Variants in RBFOX1 observed in about 807,000 individuals in gnomAD.
RBFOX1 encodes the protein RNA binding protein fox-1 homolog 1.
In RBFOX1, 8 loss-of-function variants were observed where a neutral mutation model predicts 57.7. The ratio of observed to expected loss-of-function variants is 0.14; its 90% confidence interval spans 0.08 to 0.25. The LOEUF (loss-of-function observed/expected upper bound fraction) is 0.25, where lower values mean the gene tolerates loss of function less well. Among genes scored for constraint, RBFOX1 ranks in the 10% least tolerant of loss-of-function variants. The pLI is 1.00. For synonymous variants in RBFOX1, 326 were observed against 222.4 expected, an observed-to-expected ratio of 1.47 and a Z score of -4.15; for missense variants, 611 against 548.5, an observed-to-expected ratio of 1.11 and a Z score of -1.14.
At chr16:5,491,240 G>T (rs758763115) in intron 2 of RBFOX1, among the ~76,000 whole-genome samples, 2 of 152,130 alleles carry the variant, frequency 1.3e-5, no homozygotes, top group Non-Finnish European at 2.9e-5. Flanking sequence ...CATCTAGGAC[G>T]CCAGCACCCA....
At chr16:5,922,482 T>A (rs760279653) in intron 4 of RBFOX1, among the ~76,000 whole-genome samples, 1 of 152,072 alleles carries the variant, frequency 6.6e-6, no homozygotes, top group Non-Finnish European at 1.5e-5. Flanking sequence ...ACACTGGAAG[T>A]TCCTGCCCAG....
chr16:5,685,607 G>C (rs1489528934), intron 3 of RBFOX1, among the ~76,000 whole-genome samples: 1 of 152,296 alleles, frequency 6.6e-6, no homozygotes, highest in Non-Finnish European at 1.5e-5. Flanking sequence ...AACTTTGTAG[G>C]TTCTTTCATA....
chr16:6,997,435 T>G (rs2092359717), intron 3 of RBFOX1, among the ~76,000 whole-genome samples: 2 of 152,182 alleles, frequency 1.3e-5, no homozygotes, highest in Non-Finnish European at 2.9e-5. Context: ...CAGAGTTCAT[T>G]TATATCCACG....
intron 4 of RBFOX1, among the ~76,000 whole-genome samples, chr16:7,183,319 G>C (rs976561051): frequency 6.6e-6 from 1 of 152,170 alleles, no homozygotes; most frequent in African/African-American, 2.4e-5. Context: ...AGAGGGTAGT[G>C]AGGGTAGGGG....
chr16:5,601,961 G>C (rs1296097152), downstream of RBFOX1, among the ~76,000 whole-genome samples: 2 of 152,200 alleles, frequency 1.3e-5, no homozygotes, highest in Admixed American at 6.5e-5. Flanking sequence ...TCTAGTGGAA[G>C]GGATGATGGT....
At chr16:5,842,526 G>A (rs1030651380) in intron 3 of RBFOX1, among the ~76,000 whole-genome samples, 1 of 152,124 alleles carries the variant, frequency 6.6e-6, no homozygotes, top group Admixed American at 6.5e-5. Context: ...TGCTGCAGGT[G>A]TTCATTCATG....
At chr16:5,710,646 G>C (rs1008448229) in intron 3 of RBFOX1, among the ~76,000 whole-genome samples, 1 of 152,162 alleles carries the variant, frequency 6.6e-6, no homozygotes, top group African/African-American at 2.4e-5. Flanking sequence ...TTAAAGAATT[G>C]CGTGCAGTGG....
At chr16:7,395,536 G>C (rs2098125825) in intron 4 of RBFOX1, among the ~76,000 whole-genome samples, 1 of 152,198 alleles carries the variant, frequency 6.6e-6, no homozygotes, top group African/African-American at 2.4e-5. Flanking sequence ...GAGTTACAAA[G>C]AAGCAGAGCT....
intron 4 of RBFOX1, among the ~76,000 whole-genome samples, chr16:7,120,846 C>CACACACACACAT (rs2067005675): frequency 6.7e-6 from 1 of 150,046 alleles, no homozygotes; most frequent in African/African-American, 2.4e-5. Flanking sequence ...CACACACACA[C>CACACACACACAT]ACACACACAC....
At chr16:5,728,246 A>G (rs1457751667) in intron 3 of RBFOX1, among the ~76,000 whole-genome samples, 1 of 152,256 alleles carries the variant, frequency 6.6e-6, no homozygotes, top group Non-Finnish European at 1.5e-5. Flanking sequence ...AATGCGGTGT[A>G]GATACACACA....
At chr16:7,088,025 A>G (rs1049225348) in intron 4 of RBFOX1, among the ~76,000 whole-genome samples, 3 of 152,210 alleles carry the variant, frequency 2.0e-5, no homozygotes, top group Non-Finnish European at 2.9e-5. Context: ...TTGCACTGGT[A>G]TAGTACATGT....
chr16:6,720,214 G>A (rs370748373), intron 3 of RBFOX1, among the ~76,000 whole-genome samples: 1 of 152,024 alleles, frequency 6.6e-6, no homozygotes, highest in South Asian at 2.1e-4. Context: ...TTATCACCTT[G>A]GATACTTAAT....
chr16:5,576,004 T>G (rs1596323682), intron 2 of RBFOX1, among the ~76,000 whole-genome samples: 1 of 152,118 alleles, frequency 6.6e-6, no homozygotes, highest in East Asian at 1.9e-4. Context: ...TTTCTTTTTT[T>G]GGGACAGAGT....
chr16:6,187,091 C>T (rs528856965), intron 1 of RBFOX1, among the ~76,000 whole-genome samples: 4 of 152,212 alleles, frequency 2.6e-5, no homozygotes, highest in South Asian at 4.1e-4. Flanking sequence ...AGAGGGGATG[C>T]AACACTATAT....
chr16:5,928,789 C>G (rs113250245), intron 4 of RBFOX1, among the ~76,000 whole-genome samples: 184 of 151,754 alleles, frequency 1.2e-3, no homozygotes, highest in African/African-American at 4.2e-3. Flanking sequence ...CCACAGTTGT[C>G]TGACCAGTTC....
In RBFOX1 at chr16:6,900,985, A is replaced by C. The variant is rs566089350; in HGVS notation, c.-15-151072A>C. Among the ~76,000 whole-genome samples the C allele has an allele frequency of 2.6e-5, 4 of 152,322 alleles. No individual in the cohort carries two copies. The East Asian group carries it at 5.8e-4, about 22-fold the overall frequency. The stretch of plus-strand genomic sequence containing the variant: ...CATTTAAGATGTTCCCATAACGTTC[A>C]TTAGAACTAGAAAGACTTCCTGATA... On this transcript the variant is annotated intron_variant, in intron 3 of 15. Coordinates refer to ENST00000550418, the MANE Select transcript of RBFOX1 (RefSeq NM_018723.4).
chr16:6,763,846 C>T (rs1478334245), intron 3 of RBFOX1, among the ~76,000 whole-genome samples: 2 of 152,190 alleles, frequency 1.3e-5, no homozygotes, highest in Non-Finnish European at 2.9e-5. Flanking sequence ...TGAAGATCTT[C>T]TGTAATTCCT....
chr16:6,717,806 G>A lies in RBFOX1; in HGVS notation c.-16+63156G>A, dbSNP rs371171735. ...AACATGGACCCAGCAGAAAATATTG[G>A]GTACTTCAGGCATTCTTGTTATTTA... On this transcript the variant is annotated intron_variant, in intron 3 of 15. Transcript: ENST00000550418. 8.5e-5 allele frequency among the ~76,000 whole-genome samples: 13 copies of A among 152,190 alleles called. No homozygotes were observed. In the South Asian group the frequency reaches 2.3e-3, roughly 27 times the overall value.
intron 1 of RBFOX1, among the ~76,000 whole-genome samples, chr16:6,256,449 T>TTGGAGCCCTGTCC (rs2097667978): frequency 6.6e-6 from 1 of 151,224 alleles, no homozygotes; most frequent in African/African-American, 2.4e-5. Context: ...GAGTTCATCC[T>TTGGAGCCCTGTCC]TGGAGCCCTG....
Sources: gnomAD v4.1 joint callset for allele counts (sites outside exome capture counted in the v4.1 genomes callset) on GRCh38, gnomAD v4.1.1 for gene constraint, MANE v1.5 for transcripts, NCBI Gene and HGNC (gene_info 2026-07-23, HGNC 2026-07-21) for gene names.